MICAL2: variants seen among roughly 807,000 people sequenced by gnomAD.
The protein encoded by MICAL2 is [F-actin]-monooxygenase MICAL2.
A neutral mutation model predicts 127.3 loss-of-function variants in MICAL2; 77 were observed. The ratio of observed to expected loss-of-function variants is 0.60; its 90% CI spans 0.50 to 0.73. The LOEUF is 0.73. MICAL2 is among the 30% of genes least tolerant of loss of function. The pLI is 0.00. For synonymous variants in MICAL2, 570 were observed against 551.1 expected (o/e 1.03, Z -0.48); for missense variants, 1,351 against 1,434.4 (o/e 0.94, Z 0.94).
intron 2 of MICAL2, among the ~76,000 whole-genome samples, chr11:12,150,207 G>A (rs557459682): frequency 6.6e-6 from 1 of 152,296 alleles, no homozygotes; most frequent in Non-Finnish European, 1.5e-5. Context: ...GGATTTGTGC[G>A]CATTTTGGGG....
intron 1 of MICAL2, among the ~76,000 whole-genome samples, chr11:12,132,763 T>G (rs1411039631): frequency 4.6e-5 from 7 of 152,220 alleles, no homozygotes; most frequent in Non-Finnish European, 1.5e-5. Context: ...TCAGGAAGAT[T>G]TTCATGTCAT....
At chr11:12,256,032 C>T (rs1862283713) in intron 23 of MICAL2, 3 of 372,920 alleles carry the variant, frequency 8.0e-6, no homozygotes, top group South Asian at 1.2e-4. Flanking sequence ...CAGGTGAGGC[C>T]GTGAGCATAA....
intron 24 of MICAL2, among the ~76,000 whole-genome samples, chr11:12,269,939 G>C (rs562094949): frequency 6.6e-6 from 1 of 152,218 alleles, no homozygotes; most frequent in Admixed American, 6.5e-5. Flanking sequence ...CCCATCAATT[G>C]GTTCACCCCC....
intron 8 of MICAL2, 31 bp downstream of exon 8, chr11:12,216,350 T>A (rs761111564): frequency 3.9e-6 from 6 of 1,540,376 alleles, no homozygotes; most frequent in Non-Finnish European, 5.4e-6. Flanking sequence ...ATTTCCCGAC[T>A]TCGCGACCTG....
At chr11:12,218,496 T>C (rs781547159) in intron 8 of MICAL2, among the ~76,000 whole-genome samples, 1 of 152,232 alleles carries the variant, frequency 6.6e-6, no homozygotes, top group Non-Finnish European at 1.5e-5. Flanking sequence ...CTGTCTTCAC[T>C]GTGTAATGTC....
chr11:12,129,696 C>G (rs1250943562), intron 1 of MICAL2, among the ~76,000 whole-genome samples: 1 of 56,402 alleles, frequency 1.8e-5, no homozygotes, highest in African/African-American at 7.1e-5. Context: ...ATTTGTTTTT[C>G]TCTTAATTTT....
At chr11:12,270,180 C>A (rs1201148999) in intron 24 of MICAL2, among the ~76,000 whole-genome samples, 1 of 152,202 alleles carries the variant, frequency 6.6e-6, no homozygotes, top group Non-Finnish European at 1.5e-5. Context: ...AGGGCCCTCC[C>A]TCATCCTGCT....
At position 12,242,442 on chromosome 11, in the gene MICAL2, TCA is replaced by T; in HGVS notation, c.2556+12_2556+13del. On this transcript the variant is annotated intron_variant, in intron 19 of 27. Coordinates refer to ENST00000683283, the MANE Select transcript of MICAL2 (RefSeq NM_001282663.2). ...GGAAAAGATTCTCCAGGTGAGAGAC[TCA>T]CTTTTTGCCCGTCTCTGTCCGTGTC... 6.3e-7 allele frequency: 1 copy of T among 1,592,220 alleles called. No homozygotes were observed. Among genetic ancestry groups the T allele is most frequent in the Non-Finnish European group, 8.6e-7 (1 of 1,167,176 alleles).
At chr11:12,228,529 G>A (rs1044732798) in intron 15 of MICAL2, among the ~76,000 whole-genome samples, 7 of 152,352 alleles carry the variant, frequency 4.6e-5, no homozygotes, top group Middle Eastern at 3.4e-3. Context: ...GTCCAGTTAG[G>A]AAGATAGATG....
chr11:12,199,639 G>T (rs1006710698), intron 3 of MICAL2, among the ~76,000 whole-genome samples: 2 of 152,160 alleles, frequency 1.3e-5, no homozygotes, highest in African/African-American at 4.8e-5. Context: ...TCAAGAAGTG[G>T]GTTGTGTTTG....
chr11:12,220,115 A>C (rs1856643512), intron 8 of MICAL2, 86 bp from the exon 9 acceptor site: 1 of 1,537,886 alleles, frequency 6.5e-7, no homozygotes, highest in African/African-American at 1.4e-5. Flanking sequence ...GTAGGGACCC[A>C]TTCCAAGTCC....
At chr11:12,241,185 C>T (rs777648079) in intron 18 of MICAL2, 23 bp downstream of exon 18, 1 of 1,608,354 alleles carries the variant, frequency 6.2e-7, no homozygotes, top group Non-Finnish European at 8.5e-7. Flanking sequence ...CCAGTGGATG[C>T]TGTTTTGGTG....
exon 31 of MICAL2, chr11:12,323,978 GAGA>G (rs1209184499): frequency 1.2e-6 from 2 of 1,600,878 alleles, no homozygotes; most frequent in South Asian, 1.1e-5. Context: ...GTTTTCATAG[GAGA>G]AGAAGACACT....
intron 29 of MICAL2, among the ~76,000 whole-genome samples, chr11:12,315,436 ACT>A (rs905297719): frequency 6.6e-6 from 1 of 151,692 alleles, no homozygotes; most frequent in African/African-American, 2.4e-5. Context: ...ACAGAGTGAG[ACT>A]CTGTCTCAAA....
downstream of MICAL2, among the ~76,000 whole-genome samples, chr11:12,264,369 G>T (rs1358848281): frequency 1.3e-5 from 2 of 152,154 alleles, no homozygotes; most frequent in African/African-American, 4.8e-5. Context: ...AGGGTATTCA[G>T]TATCTATGGT....
chr11:12,209,640 A>G, intron 6 of MICAL2, 42 bp downstream of exon 6: 1 of 1,523,364 alleles, frequency 6.6e-7, no homozygotes, highest in Non-Finnish European at 9.1e-7. Flanking sequence ...GGGGATGGGA[A>G]TGGGAGAGGG....
At chr11:12,331,939 T>C (rs552798881) in intron 32 of MICAL2, among the ~76,000 whole-genome samples, 48 of 152,348 alleles carry the variant, frequency 3.2e-4, no homozygotes, top group Middle Eastern at 3.4e-3. Context: ...TTCACATTCA[T>C]TTGTAACTAT....
chr11:12,330,822 G>GAGAGAGAGAGAGAGAGA (rs1555022632), intron 32 of MICAL2, among the ~76,000 whole-genome samples: 2 of 129,518 alleles, frequency 1.5e-5, no homozygotes, highest in African/African-American at 2.9e-5. Flanking sequence ...AGAGAGAGAG[G>GAGAGAGAGAGAGAGAGA]GAGAGACAGA....
At chr11:12,173,600 A>G (rs895828752) in intron 3 of MICAL2, among the ~76,000 whole-genome samples, 1 of 152,224 alleles carries the variant, frequency 6.6e-6, no homozygotes, top group Non-Finnish European at 1.5e-5. Flanking sequence ...AGCGGCATTA[A>G]TTACATTCTG....
Sources: gnomAD v4.1 joint callset for allele counts (sites outside exome capture counted in the v4.1 genomes callset) on GRCh38, gnomAD v4.1.1 for gene constraint, MANE v1.5 for transcripts, NCBI Gene and HGNC (gene_info 2026-07-23, HGNC 2026-07-21) for gene names.